Variants in P3H2 observed in about 807,000 individuals in gnomAD.
The protein encoded by P3H2 is leprecan-like 1.
P3H2 carries 80 observed loss-of-function variants against 87.0 expected under a neutral mutation model. The observed-to-expected ratio is 0.92, with a 90% CI of 0.77 to 1.11. The LOEUF is 1.11. Among genes scored for constraint, P3H2 ranks in the 50% least tolerant of loss-of-function variants. The pLI, the probability that P3H2 is intolerant of heterozygous loss-of-function variation, is 0.00. For missense variants in P3H2, 1,001 were observed against 923.9 expected, an observed-to-expected ratio of 1.08 and a Z score of -1.08; for synonymous variants, 367 against 359.3, an observed-to-expected ratio of 1.02 and a Z score of -0.24.
intron 1 of P3H2, among the ~76,000 whole-genome samples, chr3:190,040,365 G>C (rs1333186287): frequency 2.6e-5 from 4 of 152,226 alleles, no homozygotes; most frequent in Non-Finnish European, 4.4e-5. Context: ...CCTGAGGCTT[G>C]TAAGGGAGAA....
intron 1 of P3H2, among the ~76,000 whole-genome samples, chr3:190,116,948 A>G (rs1170073842): frequency 6.6e-6 from 1 of 152,042 alleles, no homozygotes; most frequent in Non-Finnish European, 1.5e-5. Context: ...TGTAGTGAGT[A>G]TCTGTTACCC....
chr3:190,113,950 G>A (rs1285125818), intron 1 of P3H2, among the ~76,000 whole-genome samples: 1 of 149,834 alleles, frequency 6.7e-6, no homozygotes, highest in Admixed American at 6.7e-5. Flanking sequence ...CGTGGAGGCG[G>A]GCGCCTGTAG....
intron 4 of P3H2, among the ~76,000 whole-genome samples, chr3:189,988,062 T>A (rs191370810): frequency 6.6e-6 from 1 of 152,316 alleles, no homozygotes; most frequent in Admixed American, 6.5e-5. Flanking sequence ...ATTTTATATA[T>A]AATGTATGAG....
At chr3:190,067,089 C>G (rs1361958366) in intron 1 of P3H2, among the ~76,000 whole-genome samples, 1 of 149,334 alleles carries the variant, frequency 6.7e-6, no homozygotes, top group Non-Finnish European at 1.5e-5. Context: ...AAGTAATCCT[C>G]CTGCCTTGGC....
chr3:190,043,456 C>T (rs1214005171), intron 1 of P3H2, among the ~76,000 whole-genome samples: 2 of 152,104 alleles, frequency 1.3e-5, no homozygotes, highest in Admixed American at 6.5e-5. Flanking sequence ...TAAACTTGTA[C>T]TTTACACAGG....
At chr3:190,101,321 T>C (rs557519983) in intron 1 of P3H2, among the ~76,000 whole-genome samples, 20 of 70,600 alleles carry the variant, frequency 2.8e-4, no homozygotes, top group Admixed American at 1.8e-3. Flanking sequence ...AAAGCCAAAA[T>C]AGAATAAAAG....
chr3:190,065,111 G>A (rs1225794235), intron 1 of P3H2, among the ~76,000 whole-genome samples: 1 of 152,132 alleles, frequency 6.6e-6, no homozygotes, highest in Non-Finnish European at 1.5e-5. Flanking sequence ...TTAAAAAACC[G>A]AGTCTCCCCA....
intron 1 of P3H2, among the ~76,000 whole-genome samples, chr3:190,091,676 A>G (rs1351336764): frequency 6.6e-6 from 1 of 152,272 alleles, no homozygotes; most frequent in African/African-American, 2.4e-5. Flanking sequence ...ATGATGGCAA[A>G]TGAGGCTTTT....
chr3:190,065,040 T>C (rs1726453499), intron 1 of P3H2, among the ~76,000 whole-genome samples: 1 of 152,162 alleles, frequency 6.6e-6, no homozygotes, highest in East Asian at 1.9e-4. Flanking sequence ...ACTCCCTGCC[T>C]AAAAACTGCT....
At chr3:189,969,892 G>T in intron 13 of P3H2, 1 of 983,654 alleles carries the variant, frequency 1.0e-6, no homozygotes, top group Non-Finnish European at 1.6e-6. Flanking sequence ...TGCAGTGGGC[G>T]AGCACTCGGG....
chr3:190,001,315 T>C (rs1462658475), intron 1 of P3H2, among the ~76,000 whole-genome samples: 1 of 152,192 alleles, frequency 6.6e-6, no homozygotes, highest in East Asian at 1.9e-4. Context: ...ACTTCTCAAA[T>C]AGAATATTTG....
At chr3:189,991,423 C>A (rs149091759) in intron 3 of P3H2, among the ~76,000 whole-genome samples, 109 of 152,332 alleles carry the variant, frequency 7.2e-4, no homozygotes, top group Admixed American at 1.2e-3. Context: ...AACCTACATT[C>A]TCATAAACAT....
chr3:189,983,090 A>G lies in P3H2; in HGVS notation c.1280T>C (p.Met427Thr), dbSNP rs367945801. ...TATCTTGGGTGATAGCTTTTTTCCC[A>G]TTGAGAATCCATGAACTTCTGCTCC... ...VEGAEVHGFS[M>T]GKKLSPKIDR... The change falls in exon 8 of 15, where the codon ATG becomes ACG. Residue 427 changes from methionine to threonine, a missense_variant. Transcript: ENST00000319332. 2.9e-5 allele frequency: 46 copies of G among 1,613,740 alleles called. 2 individuals are homozygous for G. The highest frequency in any genetic ancestry group is 2.5e-4 in the East Asian group (11 of 44,880).
At chr3:190,113,242 C>T (rs151285818) in intron 1 of P3H2, among the ~76,000 whole-genome samples, 1 of 152,192 alleles carries the variant, frequency 6.6e-6, no homozygotes, top group Non-Finnish European at 1.5e-5. Flanking sequence ...CATTTGCTTT[C>T]CCTTCTTGAT....
chr3:189,989,450 G>A (rs1401050411), intron 3 of P3H2, among the ~76,000 whole-genome samples: 1 of 152,174 alleles, frequency 6.6e-6, no homozygotes, highest in African/African-American at 2.4e-5. Flanking sequence ...AAGTTCAGAT[G>A]CTAGTAAATG....
At position 190,120,254 on chromosome 3, in the gene P3H2, T is replaced by C. The variant is rs776017457; in HGVS notation, c.478A>G (p.Lys160Glu). 5 of 1,610,268 alleles carry C rather than the reference T, an allele frequency of 3.1e-6. No homozygotes were observed. The African/African-American group carries it at 5.3e-5, about 17-fold the overall frequency. ...PYNYLQRAYI[K>E]LNQLEKAVEA... ...GTGGAGGAGCGCTCTGTGGGTACCT[T>C]GATGTAGGCCCGCTGCAGGTAGTTG... Residue 160 changes from lysine to glutamate, a missense_variant and splice_region_variant, in exon 1 of 15, where the codon AAG becomes GAG. By Grantham distance (56) the Lys-to-Glu change is moderately conservative. Transcript: ENST00000319332.
In P3H2 at chr3:189,994,156, G is replaced by A. The variant is rs760202506; in HGVS notation, c.761C>T (p.Pro254Leu). Residue 254 changes from proline (P) to leucine (L), a missense_variant, in exon 3 of 15, where the codon CCT becomes CTT. Physicochemically the swap from Pro to Leu is moderately conservative, Grantham distance 98 (BLOSUM62 -3). Transcript: ENST00000319332. The stretch of plus-strand genomic sequence containing the variant: ...ATACTCATATTCTTCAAATCTCTGA[G>A]GCCCCTCACATAGGGTCCGGCATTC... ...DTECRTLCEG[P>L]QRFEEYEYLG... The A allele has an allele frequency of 6.8e-6, 11 of 1,613,516 alleles. No homozygotes were observed. Among genetic ancestry groups the A allele is most frequent in the Non-Finnish European group, 6.8e-6 (8 of 1,179,788 alleles).
At position 190,120,311 on chromosome 3, in the gene P3H2, C is replaced by T. The variant is rs1044645217; in HGVS notation, c.421G>A (p.Val141Met). The change falls in exon 1 of 15, where the codon GTG becomes ATG. Residue 141 changes from valine (V) to methionine (M), a missense_variant. By Grantham distance (21) the Val-to-Met change is conservative. Coordinates refer to ENST00000319332, the MANE Select transcript of P3H2 (RefSeq NM_018192.4). ...ACTCTGCGCTGGAAGTCGCTGCGCACATCCTCGCTGACGCGGTGGCGGGAT... is the reference window on the plus strand; with the variant it reads ...ACTCTGCGCTGGAAGTCGCTGCGCATATCCTCGCTGACGCGGTGGCGGGAT... Reference protein sequence around the residue: ...PASRHRVSEDVRSDFQRRVPY... With the variant: ...PASRHRVSEDMRSDFQRRVPY... The T allele has an allele frequency of 1.2e-5, 19 of 1,608,086 alleles. No homozygotes were observed. The highest frequency in any genetic ancestry group is 1.5e-5 in the Non-Finnish European group (18 of 1,178,482).
At chr3:190,035,556 C>T (rs1262589190) in intron 1 of P3H2, among the ~76,000 whole-genome samples, 1 of 152,126 alleles carries the variant, frequency 6.6e-6, no homozygotes, top group African/African-American at 2.4e-5. Flanking sequence ...TTGTCACTCC[C>T]TTTTAATCTA....
Sources: allele counts gnomAD v4.1 joint callset (sites outside exome capture counted in the v4.1 genomes callset), GRCh38; gene constraint gnomAD v4.1.1; transcripts MANE v1.5; gene names NCBI Gene and HGNC (gene_info 2026-07-23, HGNC 2026-07-21).